Variants in MIF4GD observed in about 807,000 individuals in gnomAD.
MIF4GD encodes the protein MIF4G domain containing.
In MIF4GD, 22 loss-of-function variants were observed where a neutral mutation model predicts 26.7. The ratio of observed to expected loss-of-function variants is 0.82; its 90% CI spans 0.59 to 1.18. The LOEUF is 1.18. Among genes scored for constraint, MIF4GD ranks in the 50% most tolerant of loss-of-function variants. The pLI is 0.00. For synonymous variants in MIF4GD, 137 were observed against 111.6 expected (o/e 1.23, Z -1.43); for missense variants, 262 against 279.6 (o/e 0.94, Z 0.45).
At position 75,266,247 on chromosome 17, in the gene MIF4GD, T is replaced by C. The variant is rs901414373; in HGVS notation, c.*493A>G. Reference sequence around the variant, plus strand: ...AAGCAGTTTTAGTATCAGAAAAGATTTATTAGAAAATTCTCACGCTGAACT... The same window carrying C: ...AAGCAGTTTTAGTATCAGAAAAGATCTATTAGAAAATTCTCACGCTGAACT... On this transcript the variant is annotated 3_prime_UTR_variant, in exon 6 of 6. Transcript: ENST00000325102. 1 of 401,838 alleles carries C rather than the reference T, an allele frequency of 2.5e-6. No individual in the cohort carries two copies. The highest frequency in any genetic ancestry group is 4.1e-5 in the Admixed American group (1 of 24,372). 24.9% of individuals were successfully genotyped at this position (401,838 alleles called of 1,614,324 possible). A position where few individuals can be genotyped will look rare whatever the true frequency, so the allele number is the denominator to read the frequency against.
rs763512473 is a variant in MIF4GD at position 75,266,870 on chromosome 17, C to T, written c.539G>A (p.Gly180Asp). Residue 180 changes from glycine (G) to aspartate (D), a missense_variant, in exon 6 of 6, where the codon GGC becomes GAC. Transcript: ENST00000325102. ...GCTGAGGCCAGTTGGGAGCAGGAAG[C>T]CATCCCGGATCAGCACAAAGAGCTC... Reference protein sequence around the residue: ...MDELFVLIRDGFLLPTGLSSL... With the variant: ...MDELFVLIRDDFLLPTGLSSL... 3.1e-6 allele frequency: 5 copies of T among 1,614,210 alleles called. No individual in the cohort carries two copies. The highest frequency in any genetic ancestry group is 4.2e-6 in the Non-Finnish European group (5 of 1,180,046).
chr17:75,269,548 CTTTTTTTTTTTTTTTT>C (rs547476219), intron 2 of MIF4GD: 645 of 557,944 alleles, frequency 1.2e-3, no homozygotes, highest in Middle Eastern at 2.3e-3. Context: ...TATGGTTAAA[CTTTTTTTTTTTTTTTT>C]TTTTTTTTTT....
chr17:75,266,678 G>T lies in MIF4GD; in HGVS notation c.*62C>A. 6.7e-7 allele frequency: 1 copy of T among 1,503,394 alleles called. No individual in the cohort carries two copies. The highest frequency in any genetic ancestry group is 9.3e-7 in the Non-Finnish European group (1 of 1,080,092). 93.1% of individuals were successfully genotyped at this position (1,503,394 alleles called of 1,614,324 possible). ...CTTTGGGTGAGGCAGAGACTCCACT[G>T]CCAGCTTTAGAGGTGGGTAGAAGAA... On this transcript the variant is annotated 3_prime_UTR_variant, in exon 6 of 6. Coordinates refer to ENST00000325102, the MANE Select transcript of MIF4GD (RefSeq NM_001370592.1).
At chr17:75,267,133 C>T (rs922671657) in intron 5 of MIF4GD, among the ~76,000 whole-genome samples, 166 bp from the exon 6 acceptor site, 1 of 152,154 alleles carries the variant, frequency 6.6e-6, no homozygotes, top group Non-Finnish European at 1.5e-5. Flanking sequence ...GAAATGAGTT[C>T]CGGGACTTGC....
chr17:75,267,399 G>T, intron 5 of MIF4GD, 139 bp downstream of exon 5: 1 of 803,280 alleles, frequency 1.2e-6, no homozygotes, highest in Non-Finnish European at 2.0e-6. Context: ...TAACTGACAG[G>T]CCTTAAACAC....
At chr17:75,268,221 G>A in intron 2 of MIF4GD, 29 bp from the exon 3 acceptor site, 1 of 1,554,638 alleles carries the variant, frequency 6.4e-7, no homozygotes, top group Non-Finnish European at 8.9e-7. Context: ...GGGGAGTCTA[G>A]AGCTGCTGCT....
In MIF4GD at chr17:75,270,225, G is replaced by A. The variant is rs753005846; in HGVS notation, c.-30C>T. 11 of 1,589,148 alleles carry A rather than the reference G, an allele frequency of 6.9e-6. No homozygotes were observed. The East Asian group carries it at 1.6e-4, about 23-fold the overall frequency. On this transcript the variant is annotated 5_prime_UTR_variant, in exon 2 of 6. Coordinates refer to ENST00000325102, the MANE Select transcript of MIF4GD (RefSeq NM_001370592.1). This position sits in a 1 kb window ranked among gnomAD's most constrained non-coding sequence, Gnocchi z 5.7. Reference sequence around the variant, plus strand: ...AGCCAGCCCCGGTAGCTCTTGACTGGGCTGGGAATAAGGACAGCACCTGAG... The same window carrying A: ...AGCCAGCCCCGGTAGCTCTTGACTGAGCTGGGAATAAGGACAGCACCTGAG...
At chr17:75,268,683 A>G (rs2077596656) in intron 2 of MIF4GD, among the ~76,000 whole-genome samples, 1 of 147,804 alleles carries the variant, frequency 6.8e-6, no homozygotes, top group Non-Finnish European at 1.5e-5. Flanking sequence ...AAAAAAAAAA[A>G]AAAAAGAAAA....
rs2077480665 is a variant in MIF4GD, at chr17:75,266,240, A to G, written c.*500T>C. ...ATAAAGGAAGCAGTTTTAGTATCAGAAAAGATTTATTAGAAAATTCTCACG... is the reference window on the plus strand; with the variant it reads ...ATAAAGGAAGCAGTTTTAGTATCAGGAAAGATTTATTAGAAAATTCTCACG... On this transcript the variant is annotated 3_prime_UTR_variant, in exon 6 of 6. Transcript: ENST00000325102. 1 of 414,072 alleles carries G rather than the reference A, an allele frequency of 2.4e-6. No individual in the cohort carries two copies. The highest frequency in any genetic ancestry group is 4.4e-6 in the Non-Finnish European group (1 of 226,086). 25.6% of individuals were successfully genotyped at this position (414,072 alleles called of 1,614,324 possible).
In MIF4GD at chr17:75,270,407, T is replaced by A. The variant is rs545232555; in HGVS notation, c.-50-162A>T. ...AAGGCCCACCAGGCTTGGCTTCTGGTGGGGACTGGGCATCAGCCAGGCACC... is the reference window on the plus strand; with the variant it reads ...AAGGCCCACCAGGCTTGGCTTCTGGAGGGGACTGGGCATCAGCCAGGCACC... On this transcript the variant is annotated intron_variant, in intron 1 of 5. Coordinates refer to ENST00000325102, the MANE Select transcript of MIF4GD (RefSeq NM_001370592.1). This position sits in a 1 kb window ranked among gnomAD's most constrained non-coding sequence, Gnocchi z 5.7. 40 of 567,044 alleles carry A rather than the reference T, an allele frequency of 7.1e-5. No homozygotes were observed. In the East Asian group the frequency reaches 1.2e-3, roughly 16 times the overall value. 35.1% of individuals were successfully genotyped at this position (567,044 alleles called of 1,614,324 possible).
At chr17:75,269,194 G>A (rs2077618547) in intron 2 of MIF4GD, among the ~76,000 whole-genome samples, 1 of 152,182 alleles carries the variant, frequency 6.6e-6, no homozygotes. Context: ...AAGGAATACT[G>A]ACCAGGACAT....
rs781378828 is a variant in MIF4GD, at chr17:75,270,221, A to T, written c.-26T>A. On this transcript the variant is annotated 5_prime_UTR_variant, in exon 2 of 6. Transcript: ENST00000325102. The surrounding 1 kb of genome is among the most constrained non-coding windows in gnomAD (Gnocchi z 5.7). The stretch of plus-strand genomic sequence containing the variant: ...GACTAGCCAGCCCCGGTAGCTCTTG[A>T]CTGGGCTGGGAATAAGGACAGCACC... 6.3e-7 allele frequency: 1 copy of T among 1,593,732 alleles called. No homozygotes were observed. Among genetic ancestry groups the T allele is most frequent in the Non-Finnish European group, 8.6e-7 (1 of 1,161,822 alleles).
intron 2 of MIF4GD, chr17:75,269,527 G>GT: frequency 9.5e-7 from 1 of 1,047,816 alleles, no homozygotes; most frequent in Non-Finnish European, 1.3e-6. Context: ...CAGGAGCCGT[G>GT]TTCTTTTTTT....
rs762661192 is a variant in MIF4GD at position 75,267,647 on chromosome 17, G to A, written c.349-17C>T. 1.9e-6 allele frequency: 3 copies of A among 1,613,986 alleles called. No individual in the cohort carries two copies. The highest frequency in any genetic ancestry group is 1.7e-6 in the Non-Finnish European group (2 of 1,179,974). On this transcript the variant is annotated splice_polypyrimidine_tract_variant and intron_variant, in intron 4 of 5. Transcript: ENST00000325102. The stretch of plus-strand genomic sequence containing the variant: ...GTTGTTCACCTGTGAGGAAGAGGAG[G>A]GGTCAGAGCACCAGGCTTAGTGGCC...
Position 75,270,458 on chromosome 17 carries a change from C to T in MIF4GD, c.-50-213G>A, listed in dbSNP as rs1421570692. 4 of 458,742 alleles carry T rather than the reference C, an allele frequency of 8.7e-6. No homozygotes were observed. The highest frequency in any genetic ancestry group is 4.2e-5 in the East Asian group (1 of 23,656). 28.4% of individuals were successfully genotyped at this position (458,742 alleles called of 1,614,324 possible). ...TGCTGCTCAGTTTAGAAATCCCTCG[C>T]TTGTGGGATTACACAAGAGCGAGAA... On this transcript the variant is annotated intron_variant, in intron 1 of 5. Transcript: ENST00000325102. The surrounding 1 kb of genome is among the most constrained non-coding windows in gnomAD (Gnocchi z 5.7).
Position 75,271,001 on chromosome 17 carries a change from C to T in MIF4GD, c.-51+143G>A, listed in dbSNP as rs1313840435. 1 of 152,116 alleles carries T rather than the reference C, an allele frequency of 6.6e-6. No homozygotes were observed. Among genetic ancestry groups the T allele is most frequent in the East Asian group, 1.9e-4 (1 of 5,188 alleles). 9.4% of individuals were successfully genotyped at this position (152,116 alleles called of 1,614,324 possible). A position where few individuals can be genotyped will look rare whatever the true frequency, so the allele number is the denominator to read the frequency against. The stretch of plus-strand genomic sequence containing the variant: ...CTCCCGCCGGAGGCTCCCCTCTGGC[C>T]GTAGGAGGCGCCTTTAGGGTCTCCA... On this transcript the variant is annotated intron_variant, in intron 1 of 5. Transcript: ENST00000325102. The surrounding 1 kb of genome is among the most constrained non-coding windows in gnomAD (Gnocchi z 4.2).
In MIF4GD at chr17:75,267,880, G is replaced by C; in HGVS notation, c.214C>G (p.Gln72Glu). The stretch of plus-strand genomic sequence containing the variant: ...AGGAGTCCACGTCGGAAGACACTCT[G>C]GCCTGCTTGTTTACTCTCTGCCTGT... ...IIQAESKQAG[Q>E]SVFRRGLLNR... is the part of the protein sequence containing the mutation. Residue 72 changes from glutamine to glutamate, a missense_variant, in exon 4 of 6, where the codon CAG (glutamine) becomes GAG (glutamate). Transcript: ENST00000325102. 6.2e-7 allele frequency: 1 copy of C among 1,613,124 alleles called. No homozygotes were observed. Among genetic ancestry groups the C allele is most frequent in the Non-Finnish European group, 8.5e-7 (1 of 1,179,742 alleles).
In MIF4GD at chr17:75,270,766, G is replaced by A. The variant is rs1026356785; in HGVS notation, c.-51+378C>T. The A allele has an allele frequency of 9.0e-5, 14 of 155,772 alleles. No homozygotes were observed. Among genetic ancestry groups the A allele is most frequent in the African/African-American group, 3.4e-4 (14 of 41,602 alleles). The allele number at this position is 155,772 out of a possible 1,614,324, so 9.6% of individuals were successfully genotyped here. A position where few individuals can be genotyped will look rare whatever the true frequency, so the allele number is the denominator to read the frequency against. On this transcript the variant is annotated intron_variant, in intron 1 of 5. Transcript: ENST00000325102. The surrounding 1 kb of genome is among the most constrained non-coding windows in gnomAD (Gnocchi z 5.7). ...CCCCCGGATGGGGCCGGCCTGCGTGGGTGGGGACGCAGGCGCCCTGTCCGC... is the reference window on the plus strand; with the variant it reads ...CCCCCGGATGGGGCCGGCCTGCGTGAGTGGGGACGCAGGCGCCCTGTCCGC...
At chr17:75,268,235 T>C (rs1037575692) in intron 2 of MIF4GD, 43 bp from the exon 3 acceptor site, 2 of 1,477,422 alleles carry the variant, frequency 1.4e-6, no homozygotes, top group African/African-American at 2.8e-5. Flanking sequence ...TGCTGCTTTA[T>C]CACATTTGTG....
Sources: gnomAD v4.1 joint callset for allele counts (sites outside exome capture counted in the v4.1 genomes callset) on GRCh38, gnomAD v4.1.1 for gene constraint, Gnocchi (gnomAD v3.1) non-coding constraint, MANE v1.5 for transcripts, NCBI Gene and HGNC (gene_info 2026-07-23, HGNC 2026-07-21) for gene names.